COG2: variants seen among roughly 807,000 people sequenced by gnomAD.
COG2 encodes conserved oligomeric Golgi complex subunit 2.
A neutral mutation model predicts 90.6 loss-of-function variants in COG2; 52 were observed. The observed-to-expected ratio is 0.57, with a 90% CI of 0.46 to 0.72. The LOEUF is 0.72. Among genes scored for constraint, COG2 ranks in the 30% least tolerant of loss-of-function variants. COG2 has a pLI of 0.00. For synonymous variants in COG2, 337 were observed against 320.4 expected, an observed-to-expected ratio of 1.05 and a Z score of -0.55; for missense variants, 829 against 891.2, an observed-to-expected ratio of 0.93 and a Z score of 0.89.
intron 9 of COG2, 69 bp from the exon 10 acceptor site, chr1:230,678,844 T>G (rs1662662578): frequency 6.3e-7 from 1 of 1,592,874 alleles, no homozygotes; most frequent in Non-Finnish European, 8.5e-7. Context: ...TTGATTACAG[T>G]TTTCAGTACA....
chr1:230,690,953 C>T (rs1471727567), intron 16 of COG2, among the ~76,000 whole-genome samples: 1 of 152,082 alleles, frequency 6.6e-6, no homozygotes. Flanking sequence ...TACTTTTACA[C>T]TCTAAAAGAT....
chr1:230,682,110 A>G (rs967537237), intron 10 of COG2: 6 of 152,268 alleles, frequency 3.9e-5, no homozygotes, highest in Non-Finnish European at 8.8e-5. Flanking sequence ...CATTGAATAT[A>G]TCTCAGGTTC....
In COG2 at chr1:230,642,560, G is replaced by A; in HGVS notation, c.-47G>A. On this transcript the variant is annotated 5_prime_UTR_variant, in exon 1 of 18. Coordinates refer to ENST00000366669, the MANE Select transcript of COG2 (RefSeq NM_007357.3). ...GCCGAGTCGGTCTGCGCAGCCTCCT[G>A]CGTTTTCTCGCTTGGATCTTGGCAC... The A allele has an allele frequency of 6.3e-7, 1 of 1,582,366 alleles. No homozygotes were observed. Among genetic ancestry groups the A allele is most frequent in the Non-Finnish European group, 8.6e-7 (1 of 1,160,858 alleles).
chr1:230,644,080 C>T (rs1430900252), intron 1 of COG2, among the ~76,000 whole-genome samples: 1 of 152,192 alleles, frequency 6.6e-6, no homozygotes, highest in African/African-American at 2.4e-5. Flanking sequence ...ACCACCTTTC[C>T]CACTCTGAGT....
At chr1:230,687,959 T>G (rs1331606855) in intron 13 of COG2, 112 bp from the exon 14 acceptor site, 2 of 678,970 alleles carry the variant, frequency 2.9e-6, no homozygotes, top group East Asian at 6.0e-5. Flanking sequence ...AATTCCTGAT[T>G]TTAAGTTCAC....
intron 13 of COG2, 109 bp downstream of exon 13, chr1:230,687,241 G>A (rs1662906091): frequency 3.6e-6 from 3 of 836,134 alleles, no homozygotes; most frequent in East Asian, 5.4e-5. Context: ...TAAATTGGGG[G>A]ACCCGTGGGT....
chr1:230,692,663 C>G (rs1465211312), intron 17 of COG2, among the ~76,000 whole-genome samples: 1 of 152,128 alleles, frequency 6.6e-6, no homozygotes, highest in African/African-American at 2.4e-5. Flanking sequence ...CCCGCAGTCT[C>G]GGTCCCCAGA....
At chr1:230,692,671 A>G (rs1027277977) in intron 17 of COG2, among the ~76,000 whole-genome samples, 2 of 152,184 alleles carry the variant, frequency 1.3e-5, no homozygotes, top group African/African-American at 4.8e-5. Flanking sequence ...CTCGGTCCCC[A>G]GAACAAACCA....
At chr1:230,678,069 G>A in intron 9 of COG2, 8 of 985,360 alleles carry the variant, frequency 8.1e-6, no homozygotes, top group Non-Finnish European at 9.6e-6. Context: ...AGCATATTTA[G>A]ATTAATGGTT....
chr1:230,665,740 G>C (rs1282518867), intron 5 of COG2, among the ~76,000 whole-genome samples: 1 of 151,932 alleles, frequency 6.6e-6, no homozygotes, highest in African/African-American at 2.4e-5. Flanking sequence ...CCCTTCATCT[G>C]CGCTCATCAG....
chr1:230,687,800 G>A (rs934114798), intron 13 of COG2, among the ~76,000 whole-genome samples: 5 of 152,038 alleles, frequency 3.3e-5, no homozygotes, highest in African/African-American at 9.7e-5. Flanking sequence ...AGCTATTTTC[G>A]TATTATGGAG....
At chr1:230,659,731 C>A in intron 2 of COG2, 106 bp downstream of exon 2, 2 of 1,150,640 alleles carry the variant, frequency 1.7e-6, no homozygotes, top group East Asian at 2.5e-5. Context: ...AGTTGATGTC[C>A]TCACAGAAAT....
rs1299738457 is a variant in COG2, at chr1:230,664,603, T to G, written c.485+16T>G. 3.1e-6 allele frequency: 4 copies of G among 1,276,890 alleles called. No individual in the cohort carries two copies. In the African/African-American group the frequency reaches 6.1e-5, roughly 19 times the overall value. The allele number at this position is 1,276,890 out of a possible 1,614,324, so 79.1% of individuals were successfully genotyped here. ...AAGCAAGCAGGTAAGTATTTTTTAT[T>G]AAATAACTCGTAAATTAATACTTCA... On this transcript the variant is annotated intron_variant, in intron 5 of 17. Transcript: ENST00000366669.
At chr1:230,646,277 G>T (rs1002574933) in intron 1 of COG2, among the ~76,000 whole-genome samples, 22 of 152,136 alleles carry the variant, frequency 1.4e-4, no homozygotes, top group African/African-American at 5.1e-4. Context: ...TTCCACTAAA[G>T]ACTTCTCACC....
chr1:230,691,701 G>A, intron 17 of COG2, 137 bp downstream of exon 17: 1 of 767,902 alleles, frequency 1.3e-6, no homozygotes, highest in East Asian at 2.7e-5. Flanking sequence ...AAGACTAGGA[G>A]TCGGGGCTCC....
At chr1:230,676,386 T>C (rs557600431) in intron 9 of COG2, among the ~76,000 whole-genome samples, 4 of 152,302 alleles carry the variant, frequency 2.6e-5, no homozygotes, top group African/African-American at 9.6e-5. Context: ...CTGTACATAT[T>C]GAGTAACCTT....
chr1:230,658,122 T>G (rs899584750), intron 1 of COG2, among the ~76,000 whole-genome samples: 1 of 152,122 alleles, frequency 6.6e-6, no homozygotes, highest in African/African-American at 2.4e-5. Context: ...GGTGAGGAGT[T>G]GTGATCCTTT....
chr1:230,658,227 G>A (rs1038560213), intron 1 of COG2, among the ~76,000 whole-genome samples: 1 of 152,168 alleles, frequency 6.6e-6, no homozygotes, highest in African/African-American at 2.4e-5. Flanking sequence ...GGTCTTTGAT[G>A]TTGGTGACCT....
intron 15 of COG2, among the ~76,000 whole-genome samples, chr1:230,688,979 C>T (rs915703010): frequency 2.0e-5 from 3 of 152,026 alleles, no homozygotes; most frequent in African/African-American, 4.8e-5. Context: ...GTTCTGCATC[C>T]ACAGAGTCAA....
Sources: gnomAD v4.1 joint callset for allele counts (sites outside exome capture counted in the v4.1 genomes callset) on GRCh38, gnomAD v4.1.1 for gene constraint, MANE v1.5 for transcripts, NCBI Gene and HGNC (gene_info 2026-07-23, HGNC 2026-07-21) for gene names.